MED22: variants seen among roughly 807,000 people sequenced by gnomAD.
MED22 encodes mediator of RNA polymerase II transcription subunit 22.
In MED22, 22 loss-of-function variants were observed where a neutral mutation model predicts 22.7. The ratio of observed to expected loss-of-function variants is 0.97; its 90% CI spans 0.69 to 1.38. The LOEUF (loss-of-function observed/expected upper bound fraction) is 1.38, where lower values mean the gene tolerates loss of function less well. Among genes scored for constraint, MED22 ranks in the 40% most tolerant of loss-of-function variants. The pLI is 0.00. For synonymous variants in MED22, 134 were observed against 119.4 expected, an observed-to-expected ratio of 1.12 and a Z score of -0.80; for missense variants, 247 against 263.0, an observed-to-expected ratio of 0.94 and a Z score of 0.42.
chr9:133,347,677 G>A (rs1299445398), intron 1 of MED22: 1 of 153,536 alleles, frequency 6.5e-6, no homozygotes, highest in Non-Finnish European at 1.5e-5. Context: ...CTGGCCCTGG[G>A]GCCGGGCCTT....
chr9:133,344,391 C>G, intron 3 of MED22, 58 bp from the exon 4 acceptor site: 1 of 1,580,594 alleles, frequency 6.3e-7, no homozygotes, highest in Non-Finnish European at 8.7e-7. Flanking sequence ...GCCTTGCCTA[C>G]AAGTAGCTGA....
In MED22 at chr9:133,342,389, G is replaced by A. The variant is rs2129953179; in HGVS notation, c.414-695C>T. 420 of 985,804 alleles carry A rather than the reference G, an allele frequency of 4.3e-4. 1 individual carries two copies. The highest frequency in any genetic ancestry group is 4.8e-4 in the Non-Finnish European group (397 of 830,144). 61.1% of individuals were successfully genotyped at this position (985,804 alleles called of 1,614,324 possible). ...CCCTGGCTTTCCCGCGGCCTGCCTC[G>A]CCCCTGGCTTCCTCCCTTGCTCCTG... On this transcript the variant is annotated intron_variant, in intron 4 of 4. Coordinates refer to ENST00000343730, the MANE Select transcript of MED22 (RefSeq NM_133640.5).
chr9:133,344,559 T>C (rs1403248482), intron 3 of MED22, among the ~76,000 whole-genome samples: 1 of 152,188 alleles, frequency 6.6e-6, no homozygotes, highest in Non-Finnish European at 1.5e-5. Context: ...AGCCTCTGGC[T>C]TCCACTCCTG....
rs10567355 is a variant in MED22, at chr9:133,342,550, A to ACAGGGCAGGG, written c.414-866_414-857dup. 97 of 986,466 alleles carry ACAGGGCAGGG rather than the reference A, an allele frequency of 9.8e-5. No individual in the cohort carries two copies. The African/African-American group carries it at 1.2e-3, about 12-fold the overall frequency. 61.1% of individuals were successfully genotyped at this position (986,466 alleles called of 1,614,324 possible). On this transcript the variant is annotated intron_variant, in intron 4 of 4. Transcript: ENST00000343730. ...AGCACAGAGGCGCAGCTCATGCGGA[A>ACAGGGCAGGG]CAGGGCAGGGCAGGGCAGGGAGCGG...
chr9:133,343,245 C>G, intron 4 of MED22: 1 of 1,203,996 alleles, frequency 8.3e-7, no homozygotes, highest in Non-Finnish European at 1.0e-6. Context: ...AATCCACCAC[C>G]AGGAAGGAAA....
At position 133,344,151 on chromosome 9, in the gene MED22, C is replaced by T. The variant is rs2129959798; in HGVS notation, c.387G>A (p.Glu129=). 33 of 1,614,078 alleles carry T rather than the reference C, an allele frequency of 2.0e-5. No individual in the cohort carries two copies. The highest frequency in any genetic ancestry group is 2.5e-6 in the Non-Finnish European group (3 of 1,180,050). ...TGGACGAGTAATACTCCTCCTCCAG[C>T]TCGTAGAGGTCAATGGAGATCTCGT... is the stretch of plus-strand genomic sequence containing the variant. ...LRDEISIDLY[E]LEEEYYSSSS... is the part of the protein sequence containing the mutation. The change falls in exon 4 of 5, where the codon GAG becomes GAA. Residue 129 remains glutamate (E), a synonymous_variant. Transcript: ENST00000343730.
At chr9:133,343,584 C>T (rs1836078847) in intron 4 of MED22, 1 of 1,243,202 alleles carries the variant, frequency 8.0e-7, no homozygotes, top group South Asian at 3.9e-5. Flanking sequence ...GCTCCAATGG[C>T]TTTCAAGGCC....
At chr9:133,344,682 C>G (rs1247615554) in intron 3 of MED22, among the ~76,000 whole-genome samples, 2 of 152,334 alleles carry the variant, frequency 1.3e-5, no homozygotes, top group Non-Finnish European at 1.5e-5. Flanking sequence ...GTAGGATTAA[C>G]ATGGCTGCCA....
Position 133,340,364 on chromosome 9 carries a change from T to TC in MED22, c.*1140dup, listed in dbSNP as rs2129944730. The TC allele has an allele frequency of 1.2e-4, 19 of 152,212 alleles. No individual in the cohort carries two copies. The highest frequency in any genetic ancestry group is 4.1e-4 in the African/African-American group (17 of 41,460). The allele number at this position is 152,212 out of a possible 1,614,324, so 9.4% of individuals were successfully genotyped here. ...GCTGGATCCTGGGCTGTCACCTCATTCATACATCGGGAAAGATGATGGCCT... is the reference window on the plus strand; with the variant it reads ...GCTGGATCCTGGGCTGTCACCTCATTCCATACATCGGGAAAGATGATGGCCT... On this transcript the variant is annotated 3_prime_UTR_variant, in exon 5 of 5. Coordinates refer to ENST00000343730, the MANE Select transcript of MED22 (RefSeq NM_133640.5).
intron 4 of MED22, 25 bp downstream of exon 4, chr9:133,344,100 A>G: frequency 6.2e-7 from 1 of 1,612,928 alleles, no homozygotes; most frequent in Non-Finnish European, 8.5e-7. Context: ...CCCGCTCTGC[A>G]TGGGGAGTCC....
Position 133,344,328 on chromosome 9 carries a change from T to G in MED22, c.210A>C (p.Arg70=). ...CCAGCTTCATCAGGGACTCGCCGGCTCGGACCTGTGGCCATCAGAACCAGG... is the reference window on the plus strand; with the variant it reads ...CCAGCTTCATCAGGGACTCGCCGGCGCGGACCTGTGGCCATCAGAACCAGG... ...EMHVRAANIV[R]AGESLMKLVS... Residue 70 remains arginine, a synonymous_variant, in exon 4 of 5, where the codon CGA becomes CGC. Transcript: ENST00000343730. 1 of 1,613,970 alleles carries G rather than the reference T, an allele frequency of 6.2e-7. No homozygotes were observed. The highest frequency in any genetic ancestry group is 8.5e-7 in the Non-Finnish European group (1 of 1,179,984).
In MED22 at chr9:133,338,922, C is replaced by T; in HGVS notation, c.*2583G>A. The T allele has an allele frequency of 2.5e-5, 14 of 564,742 alleles. No individual in the cohort carries two copies. Among genetic ancestry groups the T allele is most frequent in the South Asian group, 2.0e-4 (14 of 69,298 alleles). 35.0% of individuals were successfully genotyped at this position (564,742 alleles called of 1,614,324 possible). ...AAGACTCCAAAATAACAACCAAATGCAACACACAATAAAAACAGGCATAAA... is the reference window on the plus strand; with the variant it reads ...AAGACTCCAAAATAACAACCAAATGTAACACACAATAAAAACAGGCATAAA... On this transcript the variant is annotated 3_prime_UTR_variant, in exon 5 of 5. Coordinates refer to ENST00000343730, the MANE Select transcript of MED22 (RefSeq NM_133640.5).
chr9:133,343,416 TC>T, intron 4 of MED22: 1 of 1,225,156 alleles, frequency 8.2e-7, no homozygotes. Context: ...TCAGGGCCCC[TC>T]CAGCTCAAAC....
chr9:133,341,732 C>A (rs2129950651), intron 4 of MED22, 38 bp from the exon 5 acceptor site: 1 of 1,589,254 alleles, frequency 6.3e-7, no homozygotes. Flanking sequence ...GAGACAGGAG[C>A]AGGCAGAGAG....
intron 2 of MED22, among the ~76,000 whole-genome samples, chr9:133,345,650 C>T (rs2129965918): frequency 6.6e-6 from 1 of 151,844 alleles, no homozygotes. Flanking sequence ...AGTTTTTTTT[C>T]GCGACCATTT....
chr9:133,346,503 A>C (rs1836183244), intron 2 of MED22, 37 bp downstream of exon 2: 1 of 1,609,254 alleles, frequency 6.2e-7, no homozygotes, highest in Non-Finnish European at 8.5e-7. Flanking sequence ...ACCCCTTCTC[A>C]GACTCTGCTC....
rs1385478949 is a variant in MED22 at position 133,348,109 on chromosome 9, T to C, written c.-226A>G. ...GCCGCCGCAGCCTCTCGGCCCCGCC[T>C]CGATTTTTAGCTTTATAGGAATGCT... On this transcript the variant is annotated 5_prime_UTR_variant, in exon 1 of 5. Coordinates refer to ENST00000343730, the MANE Select transcript of MED22 (RefSeq NM_133640.5). 2 of 1,338,256 alleles carry C rather than the reference T, an allele frequency of 1.5e-6. No homozygotes were observed. Among genetic ancestry groups the C allele is most frequent in the South Asian group, 1.2e-5 (1 of 83,434 alleles). The allele number at this position is 1,338,256 out of a possible 1,614,324, so 82.9% of individuals were successfully genotyped here. A position where few individuals can be genotyped will look rare whatever the true frequency, so the allele number is the denominator to read the frequency against.
intron 4 of MED22, 180 bp downstream of exon 4, chr9:133,343,945 T>C: frequency 6.9e-7 from 1 of 1,446,990 alleles, no homozygotes; most frequent in East Asian, 2.5e-5. Flanking sequence ...GGCCCTGGCA[T>C]ATGGATGTGA....
chr9:133,343,637 C>A, intron 4 of MED22: 1 of 1,248,574 alleles, frequency 8.0e-7, no homozygotes, highest in Non-Finnish European at 1.0e-6. Context: ...CATGACTGTC[C>A]CTGCCTCCAC....
Sources: allele counts gnomAD v4.1 joint callset (sites outside exome capture counted in the v4.1 genomes callset), GRCh38; gene constraint gnomAD v4.1.1; transcripts MANE v1.5; gene names NCBI Gene and HGNC (gene_info 2026-07-23, HGNC 2026-07-21).